Variants in PDXDC1 observed in about 807,000 individuals in gnomAD.
The protein encoded by PDXDC1 is pyridoxal dependent decarboxylase domain containing 1.
PDXDC1 carries 42 observed loss-of-function variants against 100.1 expected under a neutral mutation model. That is an observed-to-expected ratio of 0.42 (90% CI 0.33 to 0.54). The LOEUF (loss-of-function observed/expected upper bound fraction) is 0.54. Among genes scored for constraint, PDXDC1 ranks in the 20% least tolerant of loss-of-function variants. PDXDC1 has a pLI of 0.10. For missense variants in PDXDC1, 636 were observed against 979.2 expected (o/e 0.65, Z 4.68); for synonymous variants, 260 against 371.7 (o/e 0.70, Z 3.46).
intron 16 of PDXDC1, chr16:15,065,330 T>C (rs763952461): frequency 1.3e-5 from 21 of 1,613,776 alleles, no homozygotes; most frequent in Non-Finnish European, 1.8e-5. Flanking sequence ...CTGGCGATTG[T>C]TCCTCTCAAT....
At chr16:15,012,626 A>G (rs1205295302) in intron 8 of PDXDC1, among the ~76,000 whole-genome samples, 10 of 152,284 alleles carry the variant, frequency 6.6e-5, no homozygotes, top group African/African-American at 1.4e-4. Context: ...TGCGAGATCA[A>G]TTGCCCTCAG....
intron 16 of PDXDC1, chr16:15,137,407 G>A (rs1010285727): frequency 1.1e-5 from 17 of 1,494,804 alleles, no homozygotes; most frequent in Middle Eastern, 2.3e-4. Context: ...AGAGGGCTGC[G>A]AGGCCCTGGC....
At chr16:15,092,066 C>G (rs549145551) in intron 16 of PDXDC1, among the ~76,000 whole-genome samples, 2 of 152,200 alleles carry the variant, frequency 1.3e-5, no homozygotes, top group South Asian at 4.1e-4. Flanking sequence ...GTAACCCCAC[C>G]TATTCGGAAG....
chr16:15,098,885 G>A (rs973199545), intron 16 of PDXDC1, among the ~76,000 whole-genome samples: 8 of 151,906 alleles, frequency 5.3e-5, no homozygotes, highest in African/African-American at 1.5e-4. Flanking sequence ...AAAAAAAAGA[G>A]CAACTTTCTT....
At chr16:14,992,864 CT>C (rs1971148255) in intron 1 of PDXDC1, among the ~76,000 whole-genome samples, 1 of 139,284 alleles carries the variant, frequency 7.2e-6, no homozygotes, top group Admixed American at 7.1e-5. Context: ...TTTTTTTTTT[CT>C]TTTTTTGAGA....
chr16:15,049,394 A>G (rs2044209937), intron 16 of PDXDC1, among the ~76,000 whole-genome samples: 1 of 151,674 alleles, frequency 6.6e-6, no homozygotes, highest in African/African-American at 2.4e-5. Flanking sequence ...TAAGGAAATA[A>G]CTCAAAATAT....
chr16:15,127,485 C>A (rs145329141), intron 16 of PDXDC1: 15,957 of 1,567,650 alleles, frequency 0.01, 118 homozygotes, highest in Admixed American at 0.022. Context: ...TCCGGGACAT[C>A]CAGAAGAGAA....
At chr16:15,075,838 C>A (rs144291950) in intron 16 of PDXDC1, among the ~76,000 whole-genome samples, 138 of 152,272 alleles carry the variant, frequency 9.1e-4, no homozygotes, top group African/African-American at 3.0e-3. Context: ...ATCCACCTCC[C>A]CACTGCTGTG....
At chr16:15,013,096 G>A (rs2041463780) in intron 8 of PDXDC1, among the ~76,000 whole-genome samples, 1 of 152,268 alleles carries the variant, frequency 6.6e-6, no homozygotes, top group South Asian at 2.1e-4. Flanking sequence ...CATGAACTCG[G>A]GAGGCAGAGG....
intron 16 of PDXDC1, among the ~76,000 whole-genome samples, chr16:15,122,421 C>T (rs1378591844): frequency 6.9e-6 from 1 of 145,406 alleles, no homozygotes; most frequent in Non-Finnish European, 1.5e-5. Flanking sequence ...CGCTATGATG[C>T]CCTGGCTAGT....
intron 16 of PDXDC1, chr16:15,109,291 G>C (rs574912253): frequency 1.2e-4 from 18 of 147,114 alleles, no homozygotes; most frequent in African/African-American, 4.4e-4. Context: ...CCGGGAGGCT[G>C]AGGTAGGCAG....
intron 16 of PDXDC1, chr16:15,086,178 A>G (rs2045909606): frequency 6.2e-7 from 1 of 1,603,026 alleles, no homozygotes; most frequent in Non-Finnish European, 8.5e-7. Flanking sequence ...TGAGGAAAAC[A>G]GTCTGTGCTG....
At chr16:15,140,892 C>A (rs1361698495), downstream of PDXDC1, among the ~76,000 whole-genome samples, 1 of 152,190 alleles carries the variant, frequency 6.6e-6, no homozygotes, top group Non-Finnish European at 1.5e-5. Context: ...GAGACCTCAC[C>A]TCCTGCCACG....
At chr16:14,998,670 A>G (rs1348371263) in intron 3 of PDXDC1, among the ~76,000 whole-genome samples, 1 of 152,294 alleles carries the variant, frequency 6.6e-6, no homozygotes, top group Non-Finnish European at 1.5e-5. Flanking sequence ...GCTGGTTTCT[A>G]ACTCCTGACC....
intron 1 of PDXDC1, among the ~76,000 whole-genome samples, chr16:14,976,358 G>A (rs1478896299): frequency 6.6e-6 from 1 of 152,282 alleles, no homozygotes; most frequent in Non-Finnish European, 1.5e-5. Context: ...TGTAGATTTT[G>A]TTCACTTGTC....
chr16:15,038,350 A>T (rs2043636984), downstream of PDXDC1: 2 of 667,098 alleles, frequency 3.0e-6, no homozygotes, highest in Admixed American at 6.9e-5. Context: ...TGAATTAGTA[A>T]GAAAAAAGTT....
At chr16:15,090,087 G>A (rs2046072417) in intron 16 of PDXDC1, among the ~76,000 whole-genome samples, 1 of 151,878 alleles carries the variant, frequency 6.6e-6, no homozygotes, top group African/African-American at 2.4e-5. Flanking sequence ...GCGGGTGCCT[G>A]TAATCTCAGC....
intron 16 of PDXDC1, among the ~76,000 whole-genome samples, chr16:15,101,303 C>A (rs1397799896): frequency 7.2e-5 from 11 of 152,142 alleles, no homozygotes; most frequent in Admixed American, 5.9e-4. Context: ...GACAGATAGG[C>A]ACGGTCTTTT....
rs193002271 is a variant in PDXDC1, at chr16:15,066,918, C to T, written c.1399+36862C>T. Among the ~76,000 whole-genome samples the T allele has an allele frequency of 1.0e-3, 156 of 152,114 alleles. 1 individual carries two copies. The highest frequency in any genetic ancestry group is 4.4e-4 in the Non-Finnish European group (30 of 67,988). ...TCCAATGCGCATGCCAACCCCAAAT[C>T]GAGAGCCCCTGGACCAGATGGTTCA... On this transcript the variant is annotated intron_variant, in intron 16 of 16. Transcript: ENST00000535621.
Sources: gnomAD v4.1 joint callset for allele counts (sites outside exome capture counted in the v4.1 genomes callset) on GRCh38, gnomAD v4.1.1 for gene constraint, MANE v1.5 for transcripts, NCBI Gene and HGNC (gene_info 2026-07-23, HGNC 2026-07-21) for gene names.